FGF12: variants seen among roughly 807,000 people sequenced by gnomAD.
The protein encoded by FGF12 is fibroblast growth factor 12.
Under a neutral mutation model 23.6 loss-of-function variants are expected in FGF12, and 14 were observed. The ratio of observed to expected loss-of-function variants is 0.59; its 90% CI spans 0.39 to 0.93. FGF12 has a LOEUF of 0.93. Ranked by LOEUF, FGF12 falls within the 40% of genes least tolerant of loss-of-function variation. The pLI, the probability that FGF12 is intolerant of heterozygous loss-of-function variation, is 0.00. For synonymous variants in FGF12, 62 were observed against 77.3 expected (o/e 0.80, Z 1.04); for missense variants, 175 against 217.8 (o/e 0.80, Z 1.24).
chr3:192,286,413 T>C (rs906296511), intron 4 of FGF12, among the ~76,000 whole-genome samples: 1 of 151,966 alleles, frequency 6.6e-6, no homozygotes, highest in African/African-American at 2.4e-5. Context: ...TGTTACTGAG[T>C]TATGGAGAAT....
chr3:192,287,228 T>G (rs1175825405), intron 4 of FGF12, among the ~76,000 whole-genome samples: 1 of 152,080 alleles, frequency 6.6e-6, no homozygotes, highest in Non-Finnish European at 1.5e-5. Flanking sequence ...ACTAATTCCC[T>G]TAGTGTTACT....
intron 4 of FGF12, among the ~76,000 whole-genome samples, chr3:192,277,825 C>G (rs913160006): frequency 6.6e-6 from 1 of 152,154 alleles, no homozygotes; most frequent in African/African-American, 2.4e-5. Flanking sequence ...TGCAGTGGTG[C>G]GATCTCAGCC....
chr3:192,562,343 A>G (rs1012364702), intron 2 of FGF12, among the ~76,000 whole-genome samples: 1 of 152,228 alleles, frequency 6.6e-6, no homozygotes, highest in Non-Finnish European at 1.5e-5. Flanking sequence ...ACAAAACTCA[A>G]TAAATTACAC....
chr3:192,238,421 A>G (rs1719418125), intron 4 of FGF12: 1 of 152,332 alleles, frequency 6.6e-6, no homozygotes, highest in Non-Finnish European at 1.5e-5. Context: ...GCAAGCAGGT[A>G]CGTGCTGGCA....
chr3:192,528,039 A>G (rs1724994141), intron 2 of FGF12, among the ~76,000 whole-genome samples: 1 of 152,200 alleles, frequency 6.6e-6, no homozygotes, highest in Admixed American at 6.5e-5. Flanking sequence ...AAACCATATC[A>G]TTCCACACCT....
At chr3:192,418,758 G>A (rs185698993) in intron 2 of FGF12, among the ~76,000 whole-genome samples, 155 of 152,252 alleles carry the variant, frequency 1.0e-3, no homozygotes, top group Non-Finnish European at 1.9e-3. Context: ...CATGTAAGAT[G>A]TGACTCCTTC....
rs1294079073 is a variant in FGF12, at chr3:192,711,854, T to C, written c.13+15327A>G. On this transcript the variant is annotated intron_variant, in intron 2 of 5. Transcript: ENST00000445105. ...TGCCTAGGAAAACCAGAGACCTTTGTTCACTTGTTTATCTGCTGACCTTCC... is the reference window on the plus strand; with the variant it reads ...TGCCTAGGAAAACCAGAGACCTTTGCTCACTTGTTTATCTGCTGACCTTCC... 1.1e-4 allele frequency among the ~76,000 whole-genome samples: 16 copies of C among 151,654 alleles called. No individual in the cohort carries two copies. The East Asian group carries it at 3.1e-3, about 30-fold the overall frequency.
intron 4 of FGF12, among the ~76,000 whole-genome samples, chr3:192,327,930 A>C: frequency 6.6e-6 from 1 of 152,180 alleles, no homozygotes; most frequent in Non-Finnish European, 1.5e-5. Flanking sequence ...CATTATTTTT[A>C]AGTGCTATTC....
intron 4 of FGF12, among the ~76,000 whole-genome samples, chr3:192,202,382 A>C (rs1717417537): frequency 6.6e-6 from 1 of 152,222 alleles, no homozygotes; most frequent in Non-Finnish European, 1.5e-5. Context: ...CCAAATATTT[A>C]AAGCCACAGA....
intron 2 of FGF12, among the ~76,000 whole-genome samples, chr3:192,647,837 G>A (rs1397413442): frequency 6.6e-6 from 1 of 151,288 alleles, no homozygotes; most frequent in African/African-American, 2.4e-5. Context: ...TAGAAAATAA[G>A]ATGTGAATAA....
chr3:192,442,474 T>C (rs376968950), intron 2 of FGF12, among the ~76,000 whole-genome samples: 2 of 152,340 alleles, frequency 1.3e-5, no homozygotes, highest in East Asian at 3.9e-4. Flanking sequence ...TGAGTCTAGT[T>C]GGATTCTATA....
At chr3:192,689,559 T>A (rs1717876372) in intron 2 of FGF12, among the ~76,000 whole-genome samples, 1 of 151,908 alleles carries the variant, frequency 6.6e-6, no homozygotes, top group African/African-American at 2.4e-5. Flanking sequence ...TGAAGAAGAA[T>A]AGATCATGCA....
intron 3 of FGF12, among the ~76,000 whole-genome samples, chr3:192,359,978 T>G (rs1280055018): frequency 6.6e-6 from 1 of 151,848 alleles, no homozygotes; most frequent in Non-Finnish European, 1.5e-5. Flanking sequence ...CATATATGCA[T>G]GTACTCAGTG....
intron 2 of FGF12, among the ~76,000 whole-genome samples, chr3:192,686,407 C>T (rs981384176): frequency 6.6e-6 from 1 of 152,126 alleles, no homozygotes. Context: ...CAATGGAAGA[C>T]ATCCCACACC....
At chr3:192,397,214 G>A (rs1235403548) in intron 2 of FGF12, among the ~76,000 whole-genome samples, 1 of 152,218 alleles carries the variant, frequency 6.6e-6, no homozygotes, top group Non-Finnish European at 1.5e-5. Context: ...GAATGTGGAG[G>A]CGGCCTGGCC....
intron 2 of FGF12, among the ~76,000 whole-genome samples, chr3:192,536,454 C>A (rs2108853895): frequency 6.6e-6 from 1 of 152,224 alleles, no homozygotes; most frequent in Non-Finnish European, 1.5e-5. Flanking sequence ...ATGGTGCCAT[C>A]ATGTGTGAAG....
chr3:192,167,772 A>ATATTTTTTTT (rs1715302128), intron 5 of FGF12, among the ~76,000 whole-genome samples: 1 of 15,404 alleles, frequency 6.5e-5, no homozygotes, highest in African/African-American at 2.2e-4. Flanking sequence ...TATATATAAA[A>ATATTTTTTTT]TTTTTTTTTT....
At chr3:192,552,260 C>A (rs541403774) in intron 2 of FGF12, among the ~76,000 whole-genome samples, 3 of 151,958 alleles carry the variant, frequency 2.0e-5, no homozygotes, top group African/African-American at 4.8e-5. Context: ...GAAGAACAAG[C>A]AGAGCCCTGG....
chr3:192,400,412 G>T (rs1174634387), intron 2 of FGF12, among the ~76,000 whole-genome samples: 1 of 134,292 alleles, frequency 7.4e-6, no homozygotes, highest in Admixed American at 8.2e-5. Flanking sequence ...CATGTGGCCC[G>T]GGCTGGAGTG....
Sources: allele counts gnomAD v4.1 joint callset (sites outside exome capture counted in the v4.1 genomes callset), GRCh38; gene constraint gnomAD v4.1.1; transcripts MANE v1.5; gene names NCBI Gene and HGNC (gene_info 2026-07-23, HGNC 2026-07-21).